The following NXN variants were observed in gnomAD, a reference collection of about 807,000 sequenced individuals.
NXN encodes the protein nucleoredoxin 1.
In NXN, 16 loss-of-function variants were observed where a neutral mutation model predicts 48.6. The observed-to-expected ratio is 0.33, with a 90% CI of 0.22 to 0.50. NXN has a LOEUF of 0.50. Ranked by LOEUF, NXN falls within the 20% of genes least tolerant of loss-of-function variation. The pLI is 0.98. For missense variants in NXN, 492 were observed against 605.5 expected, an observed-to-expected ratio of 0.81 and a Z score of 1.97; for synonymous variants, 281 against 269.6, an observed-to-expected ratio of 1.04 and a Z score of -0.41.
At chr17:805,325 C>T in intron 5 of NXN, 78 bp from the exon 6 acceptor site, 2 of 1,459,082 alleles carry the variant, frequency 1.4e-6, no homozygotes, top group Admixed American at 2.2e-5. Context: ...CGGGGTCCAG[C>T]CCGGGGTCCC....
At chr17:881,781 A>G (rs751503981) in intron 1 of NXN, among the ~76,000 whole-genome samples, 2 of 152,242 alleles carry the variant, frequency 1.3e-5, no homozygotes, top group African/African-American at 2.4e-5. Context: ...TCTCAGCAAT[A>G]AGAAGGAACA....
intron 1 of NXN, among the ~76,000 whole-genome samples, chr17:852,895 GAGTCCCA>G (rs2067939901): frequency 2.0e-5 from 3 of 152,274 alleles, no homozygotes; most frequent in South Asian, 4.1e-4. Flanking sequence ...GGACACCTCA[GAGTCCCA>G]GGGACTCATG....
intron 1 of NXN, among the ~76,000 whole-genome samples, chr17:868,080 C>G (rs560765489): frequency 6.6e-6 from 1 of 152,210 alleles, no homozygotes; most frequent in African/African-American, 2.4e-5. Flanking sequence ...GTACGGCGTC[C>G]CATGGGTCAT....
At chr17:805,283 G>A (rs1396128796) in intron 5 of NXN, 36 bp from the exon 6 acceptor site, 2 of 1,578,710 alleles carry the variant, frequency 1.3e-6, no homozygotes, top group Non-Finnish European at 1.7e-6. Flanking sequence ...CGCTGGCCCG[G>A]GAGATGCTGG....
chr17:952,177 G>C (rs921969206), intron 1 of NXN, among the ~76,000 whole-genome samples: 2 of 126,998 alleles, frequency 1.6e-5, no homozygotes, highest in East Asian at 4.3e-4. Context: ...CACACTGTGG[G>C]GGGGCTGGGG....
chr17:838,859 T>C (rs758767681), intron 1 of NXN, among the ~76,000 whole-genome samples: 1 of 152,076 alleles, frequency 6.6e-6, no homozygotes, highest in African/African-American at 2.4e-5. Flanking sequence ...CCGTTCCGGG[T>C]TGAGTTTGGT....
chr17:838,029 C>T (rs567126543), intron 1 of NXN, among the ~76,000 whole-genome samples: 6 of 152,014 alleles, frequency 3.9e-5, no homozygotes, highest in African/African-American at 7.2e-5. Context: ...TTCTCTGCCA[C>T]GCCAGGCTGC....
chr17:878,972 C>G (rs1394171831), intron 1 of NXN, among the ~76,000 whole-genome samples: 1 of 152,056 alleles, frequency 6.6e-6, no homozygotes, highest in African/African-American at 2.4e-5. Context: ...CAAGACCAGC[C>G]TGACCAACAT....
At position 943,756 on chromosome 17, in the gene NXN, C is replaced by T. The variant is rs575724158; in HGVS notation, c.360+35563G>A. 5.3e-5 allele frequency among the ~76,000 whole-genome samples: 8 copies of T among 151,586 alleles called. 1 individual carries two copies. In the East Asian group the frequency reaches 5.9e-4, roughly 11 times the overall value. The stretch of plus-strand genomic sequence containing the variant: ...AGGAGAACTGCTTGAACCCAGGAGG[C>T]GGAGGTTGCAGGGAGCCGAGATCGC... On this transcript the variant is annotated intron_variant, in intron 1 of 7. Transcript: ENST00000336868.
intron 5 of NXN, among the ~76,000 whole-genome samples, chr17:812,767 A>T (rs897046832): frequency 7.4e-6 from 1 of 134,346 alleles, no homozygotes. Context: ...CATATGTGTG[A>T]GTGTAGGTGT....
chr17:860,848 A>C (rs998161717), intron 1 of NXN, among the ~76,000 whole-genome samples: 1 of 152,272 alleles, frequency 6.6e-6, no homozygotes, highest in Non-Finnish European at 1.5e-5. Context: ...TATCTAGACA[A>C]AAAGGCAAAT....
intron 1 of NXN, chr17:929,820 G>C (rs1310664284): frequency 6.6e-6 from 1 of 152,124 alleles, no homozygotes; most frequent in African/African-American, 2.4e-5. Flanking sequence ...AAACTGTGTA[G>C]TAGTGTTTAA....
intron 1 of NXN, among the ~76,000 whole-genome samples, chr17:868,299 A>C (rs1002814020): frequency 6.6e-6 from 1 of 152,054 alleles, no homozygotes; most frequent in Non-Finnish European, 1.5e-5. Context: ...CCTTCCCAGC[A>C]ATGTTTACCT....
At position 974,021 on chromosome 17, in the gene NXN, T is replaced by C. The variant is rs144364069; in HGVS notation, c.360+5298A>G. 2.0e-5 allele frequency among the ~76,000 whole-genome samples: 3 copies of C among 151,978 alleles called. No individual in the cohort carries two copies. The East Asian group carries it at 5.9e-4, about 30-fold the overall frequency. ...TTGACACCTTCATCAAATCCCCTTGTATGCTTGTAAAAGTCATTGGTTTGA... is the reference window on the plus strand; with the variant it reads ...TTGACACCTTCATCAAATCCCCTTGCATGCTTGTAAAAGTCATTGGTTTGA... On this transcript the variant is annotated intron_variant, in intron 1 of 7. Coordinates refer to ENST00000336868, the MANE Select transcript of NXN (RefSeq NM_022463.5).
At chr17:946,747 A>G (rs1184548040) in intron 1 of NXN, among the ~76,000 whole-genome samples, 2 of 152,230 alleles carry the variant, frequency 1.3e-5, no homozygotes, top group Non-Finnish European at 2.9e-5. Context: ...GGGCTCGGCC[A>G]GCACATCTCC....
intron 1 of NXN, among the ~76,000 whole-genome samples, chr17:933,904 G>A (rs1008236519): frequency 1.3e-5 from 2 of 152,202 alleles, no homozygotes; most frequent in East Asian, 3.9e-4. Flanking sequence ...AGCAGCCAAG[G>A]TCCTCAAGCC....
rs765852541 is a variant in NXN, at chr17:932,406, CCAGGAATCCG to C, written c.360+46903_360+46912del. On this transcript the variant is annotated intron_variant, in intron 1 of 7. Transcript: ENST00000336868. The surrounding 1 kb of genome is among the most constrained non-coding windows in gnomAD (Gnocchi z 4.1). ...CAAGTCAAGAACTCTGGGATGGGGC[CCAGGAATCCG>C]CATTTAACCAGTCCTTCTGGTTATT... is the stretch of plus-strand genomic sequence containing the variant. Among the ~76,000 whole-genome samples, 5 of 152,098 alleles carry C rather than the reference CCAGGAATCCG, an allele frequency of 3.3e-5. No homozygotes were observed. The highest frequency in any genetic ancestry group is 7.4e-5 in the Non-Finnish European group (5 of 68,014).
In NXN at chr17:917,925, C is replaced by T. The variant is rs2068704979; in HGVS notation, c.360+61394G>A. Reference sequence around the variant, plus strand: ...GTATTCAGTTTTGTTGACAAGAACCCCTAATGGATAATAATAAAATGTTTA... The same window carrying T: ...GTATTCAGTTTTGTTGACAAGAACCTCTAATGGATAATAATAAAATGTTTA... On this transcript the variant is annotated intron_variant, in intron 1 of 7. Coordinates refer to ENST00000336868, the MANE Select transcript of NXN (RefSeq NM_022463.5). The surrounding 1 kb of genome is among the most constrained non-coding windows in gnomAD (Gnocchi z 4.5). Among the ~76,000 whole-genome samples, 1 of 152,136 alleles carries T rather than the reference C, an allele frequency of 6.6e-6. No homozygotes were observed. Among genetic ancestry groups the T allele is most frequent in the Non-Finnish European group, 1.5e-5 (1 of 68,014 alleles).
intron 1 of NXN, among the ~76,000 whole-genome samples, chr17:880,711 C>T (rs2068274819): frequency 6.6e-6 from 1 of 152,180 alleles, no homozygotes; most frequent in Admixed American, 6.5e-5. Context: ...GGGGAAGAAG[C>T]AGAGGGGCTG....
Sources: gnomAD v4.1 joint callset for allele counts (sites outside exome capture counted in the v4.1 genomes callset) on GRCh38, gnomAD v4.1.1 for gene constraint, Gnocchi (gnomAD v3.1) non-coding constraint, MANE v1.5 for transcripts, NCBI Gene and HGNC (gene_info 2026-07-23, HGNC 2026-07-21) for gene names.